TFDP2: variants seen among roughly 807,000 people sequenced by gnomAD.
TFDP2 encodes the protein transcription factor Dp-2, also known as transcription factor Dp-2 (E2F dimerization partner 2).
In TFDP2, 17 loss-of-function variants were observed where a neutral mutation model predicts 59.3. The observed-to-expected ratio is 0.29, with a 90% CI of 0.20 to 0.43. TFDP2 has a LOEUF of 0.43. Among genes scored for constraint, TFDP2 ranks in the 20% least tolerant of loss-of-function variants. The pLI is 1.00. For synonymous variants in TFDP2, 180 were observed against 194.7 expected, an observed-to-expected ratio of 0.92 and a Z score of 0.63; for missense variants, 391 against 528.8, an observed-to-expected ratio of 0.74 and a Z score of 2.56.
At chr3:142,032,083 T>C (rs1946455973) in intron 3 of TFDP2, among the ~76,000 whole-genome samples, 1 of 151,542 alleles carries the variant, frequency 6.6e-6, no homozygotes, top group Admixed American at 6.6e-5. Context: ...CCACTTTTTT[T>C]CTTTCTCTCT....
At chr3:142,008,597 T>C (rs1169956231) in intron 3 of TFDP2, among the ~76,000 whole-genome samples, 1 of 152,136 alleles carries the variant, frequency 6.6e-6, no homozygotes, top group African/African-American at 2.4e-5. Flanking sequence ...AGCCAACTCC[T>C]ACCTACTAGC....
chr3:141,968,455 CATATATAGATATATATATAACAT>C (rs1938643277), intron 9 of TFDP2, among the ~76,000 whole-genome samples: 5 of 85,006 alleles, frequency 5.9e-5, no homozygotes, highest in African/African-American at 2.7e-4. Context: ...ATATATATCT[CATATATAGATATATATATAACAT>C]ATATATATCT....
At chr3:141,971,939 G>C (rs995326018) in intron 8 of TFDP2, among the ~76,000 whole-genome samples, 1 of 152,158 alleles carries the variant, frequency 6.6e-6, no homozygotes, top group African/African-American at 2.4e-5. Context: ...CCAGATTCTA[G>C]AATCACAAAT....
chr3:142,071,309 A>C (rs1451279755), intron 3 of TFDP2, among the ~76,000 whole-genome samples: 2 of 151,904 alleles, frequency 1.3e-5, no homozygotes, highest in Non-Finnish European at 2.9e-5. Flanking sequence ...GGCGCACACC[A>C]CCGCACCGGG....
chr3:142,136,325 CAAAAATTTTCTCTGATGAAA>C (rs550672513), intron 1 of TFDP2, among the ~76,000 whole-genome samples: 1,849 of 151,970 alleles, frequency 0.012, 41 homozygotes, highest in African/African-American at 0.042. Flanking sequence ...GGGTAGATTG[CAAAAATTTTCTCTGATGAAA>C]AAAAATTTTC....
At chr3:142,031,237 T>C (rs916264298) in intron 3 of TFDP2, among the ~76,000 whole-genome samples, 1 of 152,244 alleles carries the variant, frequency 6.6e-6, no homozygotes, top group Non-Finnish European at 1.5e-5. Flanking sequence ...AGTAGGATTC[T>C]ACTGTTCTTG....
chr3:141,987,685 T>C (rs1942262597), intron 6 of TFDP2, among the ~76,000 whole-genome samples: 1 of 146,824 alleles, frequency 6.8e-6, no homozygotes, highest in South Asian at 2.3e-4. Flanking sequence ...CCCAGCACTT[T>C]GGGAGGCCGA....
intron 7 of TFDP2, among the ~76,000 whole-genome samples, chr3:141,976,120 C>A (rs1940604424): frequency 6.6e-6 from 1 of 152,148 alleles, no homozygotes; most frequent in Non-Finnish European, 1.5e-5. Flanking sequence ...ACAGTGTGAT[C>A]CGTCCACCTC....
chr3:142,003,405 C>T (rs907583174), intron 4 of TFDP2, among the ~76,000 whole-genome samples: 10 of 152,298 alleles, frequency 6.6e-5, no homozygotes, highest in Non-Finnish European at 1.5e-4. Flanking sequence ...GCTGGGATTA[C>T]AGGCGTGAGA....
At chr3:142,066,273 T>C (rs560096059) in intron 3 of TFDP2, among the ~76,000 whole-genome samples, 3 of 152,328 alleles carry the variant, frequency 2.0e-5, no homozygotes, top group Admixed American at 6.5e-5. Flanking sequence ...CCTGAAACAA[T>C]TGGTGCCACT....
At chr3:142,141,626 T>C (rs1450089533) in intron 1 of TFDP2, among the ~76,000 whole-genome samples, 1 of 152,076 alleles carries the variant, frequency 6.6e-6, no homozygotes, top group Non-Finnish European at 1.5e-5. Context: ...AGTTCAAGAC[T>C]AGCCTGGCTA....
At chr3:142,134,145 TAGA>T (rs1286693156) in intron 1 of TFDP2, among the ~76,000 whole-genome samples, 15 of 151,338 alleles carry the variant, frequency 9.9e-5, no homozygotes, top group East Asian at 7.8e-4. Context: ...GAAAAAAATA[TAGA>T]AGAAGGAGTT....
intron 1 of TFDP2, among the ~76,000 whole-genome samples, chr3:142,147,058 C>CAAAAAAA: frequency 9.5e-6 from 1 of 105,120 alleles, no homozygotes; most frequent in Non-Finnish European, 2.0e-5. Context: ...AACCCTGTCT[C>CAAAAAAA]AAAAAAAAAA....
intron 1 of TFDP2, among the ~76,000 whole-genome samples, chr3:142,136,079 T>C (rs201863417): frequency 6.6e-6 from 1 of 152,078 alleles, no homozygotes; most frequent in Non-Finnish European, 1.5e-5. Flanking sequence ...TTCCTGACTT[T>C]TTAATTATCG....
At chr3:142,142,145 G>A (rs947199687) in intron 1 of TFDP2, among the ~76,000 whole-genome samples, 2 of 152,154 alleles carry the variant, frequency 1.3e-5, no homozygotes, top group African/African-American at 4.8e-5. Flanking sequence ...AATTGGAAAG[G>A]AAGAAGTCAA....
intron 4 of TFDP2, among the ~76,000 whole-genome samples, chr3:141,997,315 GT>G (rs1260884094): frequency 1.1e-4 from 16 of 152,168 alleles, no homozygotes; most frequent in African/African-American, 3.9e-4. Flanking sequence ...ATACAGCATA[GT>G]TTCCACCAAT....
At position 142,149,169 on chromosome 3, in the gene TFDP2, G is replaced by GC. The variant is rs1433597407; in HGVS notation, c.-93+13dup. 6 of 397,644 alleles carry GC rather than the reference G, an allele frequency of 1.5e-5. No individual in the cohort carries two copies. Among genetic ancestry groups the GC allele is most frequent in the Non-Finnish European group, 2.2e-5 (5 of 225,486 alleles). The allele number at this position is 397,644 out of a possible 1,614,324, so 24.6% of individuals were successfully genotyped here. A position where few individuals can be genotyped will look rare whatever the true frequency, so the allele number is the denominator to read the frequency against. On this transcript the variant is annotated intron_variant, in intron 1 of 12. Coordinates refer to ENST00000489671, the MANE Select transcript of TFDP2 (RefSeq NM_001178139.2). ...CCTCCGCGCGCGGGCCCGCGCCCTC[G>GC]CCCCAGACCTTACCGCCTTCGGCTG...
intron 3 of TFDP2, among the ~76,000 whole-genome samples, chr3:142,017,398 T>C (rs1945210598): frequency 6.6e-6 from 1 of 152,120 alleles, no homozygotes; most frequent in African/African-American, 2.4e-5. Flanking sequence ...TACAAATTCA[T>C]AAAACTAGAG....
intron 6 of TFDP2, among the ~76,000 whole-genome samples, chr3:141,984,557 A>G (rs1395747523): frequency 6.6e-6 from 1 of 152,238 alleles, no homozygotes; most frequent in Non-Finnish European, 1.5e-5. Flanking sequence ...AGTCAAAATC[A>G]TAGAAAGTAG....
Sources: gnomAD v4.1 joint callset for allele counts (sites outside exome capture counted in the v4.1 genomes callset) on GRCh38, gnomAD v4.1.1 for gene constraint, MANE v1.5 for transcripts, NCBI Gene and HGNC (gene_info 2026-07-23, HGNC 2026-07-21) for gene names.